Variants in MYRIP observed in about 807,000 individuals in gnomAD.
MYRIP encodes the protein rab effector MyRIP.
A neutral mutation model predicts 98.0 loss-of-function variants in MYRIP; 49 were observed. The ratio of observed to expected loss-of-function variants is 0.50; its 90% CI spans 0.40 to 0.63. The LOEUF is 0.63. Among genes scored for constraint, MYRIP ranks in the 30% least tolerant of loss-of-function variants. The pLI, the probability that MYRIP is intolerant of heterozygous loss-of-function variation, is 0.00. For missense variants in MYRIP, 1,004 were observed against 1,058.2 expected (o/e 0.95, Z 0.71); for synonymous variants, 404 against 409.5 (o/e 0.99, Z 0.16).
chr3:40,131,416 C>T (rs561327307), intron 3 of MYRIP, among the ~76,000 whole-genome samples: 1 of 152,110 alleles, frequency 6.6e-6, no homozygotes, highest in Non-Finnish European at 1.5e-5. Flanking sequence ...AATTTCACAG[C>T]CTGTGAGGTA....
intron 2 of MYRIP, among the ~76,000 whole-genome samples, chr3:39,972,016 C>T (rs2125745885): frequency 6.6e-6 from 1 of 152,178 alleles, no homozygotes; most frequent in East Asian, 1.9e-4. Flanking sequence ...ATAATTGACG[C>T]TTATGGTTCT....
At chr3:40,230,821 C>CTT (rs111618117) in intron 11 of MYRIP, among the ~76,000 whole-genome samples, 17 of 141,202 alleles carry the variant, frequency 1.2e-4, no homozygotes, top group African/African-American at 1.8e-4. Flanking sequence ...GTCACTTCTT[C>CTT]TTTTTTTTTT....
intron 11 of MYRIP, among the ~76,000 whole-genome samples, chr3:40,222,744 G>C (rs1308366413): frequency 2.6e-5 from 4 of 152,122 alleles, no homozygotes; most frequent in Non-Finnish European, 4.4e-5. Flanking sequence ...CATAGATGAG[G>C]TCAGATCATG....
intron 2 of MYRIP, among the ~76,000 whole-genome samples, chr3:39,910,222 C>G (rs570255250): frequency 2.0e-5 from 3 of 152,078 alleles, no homozygotes; most frequent in Non-Finnish European, 4.4e-5. Flanking sequence ...ATGGGAGAAC[C>G]GAGGCTCTAA....
intron 2 of MYRIP, among the ~76,000 whole-genome samples, chr3:39,976,578 A>G (rs1225314346): frequency 1.3e-5 from 2 of 152,194 alleles, no homozygotes; most frequent in African/African-American, 2.4e-5. Flanking sequence ...TCATGCTTCT[A>G]TAAAGACACA....
chr3:40,242,901 A>C (rs1477734789), intron 12 of MYRIP, among the ~76,000 whole-genome samples: 1 of 151,676 alleles, frequency 6.6e-6, no homozygotes, highest in Admixed American at 6.6e-5. Context: ...AAATTTTGTG[A>C]TACATTATTT....
intron 11 of MYRIP, among the ~76,000 whole-genome samples, chr3:40,233,649 C>T (rs746691867): frequency 2.6e-5 from 4 of 152,286 alleles, no homozygotes; most frequent in African/African-American, 4.8e-5. Context: ...TTACAAGTCA[C>T]GGAAACTAGG....
At chr3:40,020,398 AT>A (rs1946964907) in intron 2 of MYRIP, among the ~76,000 whole-genome samples, 1 of 152,234 alleles carries the variant, frequency 6.6e-6, no homozygotes, top group South Asian at 2.1e-4. Context: ...TTCATACATC[AT>A]TACTTACACC....
intron 3 of MYRIP, among the ~76,000 whole-genome samples, chr3:40,051,991 GAAT>G (rs1429191500): frequency 6.6e-6 from 1 of 152,048 alleles, no homozygotes; most frequent in East Asian, 1.9e-4. Flanking sequence ...AGGGTAACTG[GAAT>G]ATCCATCACC....
chr3:39,863,016 A>G (rs969679059), intron 1 of MYRIP, among the ~76,000 whole-genome samples: 2 of 152,172 alleles, frequency 1.3e-5, no homozygotes, highest in African/African-American at 4.8e-5. Flanking sequence ...TGCTAACTAC[A>G]TTAATTACAT....
rs75520213 is a variant in MYRIP at position 39,889,779 on chromosome 3, T to G, written c.-30-11008T>G. 6.4e-4 allele frequency among the ~76,000 whole-genome samples: 97 copies of G among 152,308 alleles called. 3 individuals are homozygous for G. In the East Asian group the frequency reaches 0.019, roughly 29 times the overall value. ...TTTATGTTGAATTTATTCAGTGTTT[T>G]TAATGACTTCTGAATTTTGTGTCAT... On this transcript the variant is annotated intron_variant, in intron 1 of 16. Coordinates refer to ENST00000302541, the MANE Select transcript of MYRIP (RefSeq NM_015460.4).
intron 9 of MYRIP, among the ~76,000 whole-genome samples, chr3:40,187,495 C>T (rs529144593): frequency 2.0e-5 from 3 of 152,230 alleles, no homozygotes; most frequent in Non-Finnish European, 2.9e-5. Context: ...AGCATCCCCT[C>T]GTGCAGTCCT....
At chr3:40,256,888 G>A (rs1559480423) in intron 16 of MYRIP, among the ~76,000 whole-genome samples, 1 of 152,050 alleles carries the variant, frequency 6.6e-6, no homozygotes, top group Non-Finnish European at 1.5e-5. Context: ...CTGCTCCGTG[G>A]CTGGTAAGCA....
At chr3:39,865,661 T>C (rs1322290633) in intron 1 of MYRIP, among the ~76,000 whole-genome samples, 1 of 151,866 alleles carries the variant, frequency 6.6e-6, no homozygotes, top group Non-Finnish European at 1.5e-5. Flanking sequence ...CTATTAAAAA[T>C]GTCAAAAAAT....
chr3:40,249,901 C>T (rs1055017318), intron 13 of MYRIP, among the ~76,000 whole-genome samples: 1 of 152,140 alleles, frequency 6.6e-6, no homozygotes, highest in Non-Finnish European at 1.5e-5. Flanking sequence ...CACTTCTCAC[C>T]CCCATGCTGA....
intron 2 of MYRIP, among the ~76,000 whole-genome samples, chr3:39,984,954 G>C (rs1945995621): frequency 6.6e-6 from 1 of 150,726 alleles, no homozygotes; most frequent in South Asian, 2.1e-4. Flanking sequence ...TTGTGGTTTT[G>C]ATTTGCATTT....
chr3:40,084,615 A>AGATAATACACATCTATGTATTATATATC lies in MYRIP; in HGVS notation c.332+40367_332+40394dup, dbSNP rs1948570988. Among the ~76,000 whole-genome samples the AGATAATACACATCTATGTATTATATATC allele has an allele frequency of 1.5e-5, 2 of 130,660 alleles. 1 individual carries two copies. The allele number at this position is 130,660 out of a possible 152,430, so 85.7% of individuals were successfully genotyped here. A position where few individuals can be genotyped will look rare whatever the true frequency, so the allele number is the denominator to read the frequency against. ...ACACATCTATGTATTATCTATCGAT[A>AGATAATACACATCTATGTATTATATATC]GATAATACACATCTATGTATTATAT... On this transcript the variant is annotated intron_variant, in intron 3 of 16. Coordinates refer to ENST00000302541, the MANE Select transcript of MYRIP (RefSeq NM_015460.4).
rs1364148775 is a variant in MYRIP at position 40,218,638 on chromosome 3, A to T, written c.1905+8545A>T. Among the ~76,000 whole-genome samples, 68 of 136,716 alleles carry T rather than the reference A, an allele frequency of 5.0e-4. 1 individual carries two copies. Among genetic ancestry groups the T allele is most frequent in the Middle Eastern group, 7.6e-3 (2 of 264 alleles). 89.7% of individuals were successfully genotyped at this position (136,716 alleles called of 152,430 possible). A position where few individuals can be genotyped will look rare whatever the true frequency, so the allele number is the denominator to read the frequency against. On this transcript the variant is annotated intron_variant, in intron 11 of 16. Coordinates refer to ENST00000302541, the MANE Select transcript of MYRIP (RefSeq NM_015460.4). ...TATATATATATATATATATATATAT[A>T]TATATATATATATATATACATACAC... is the stretch of plus-strand genomic sequence containing the variant.
chr3:39,887,115 G>T (rs1189279679), intron 1 of MYRIP, among the ~76,000 whole-genome samples: 1 of 151,782 alleles, frequency 6.6e-6, no homozygotes, highest in African/African-American at 2.4e-5. Context: ...AATGAAGGCA[G>T]AAATAAAGAT....
Sources: allele counts gnomAD v4.1 joint callset (sites outside exome capture counted in the v4.1 genomes callset), GRCh38; gene constraint gnomAD v4.1.1; transcripts MANE v1.5; gene names NCBI Gene and HGNC (gene_info 2026-07-23, HGNC 2026-07-21).